Variants in OR4K17 observed in about 807,000 individuals in gnomAD.
OR4K17 encodes the protein olfactory receptor family 4 subfamily K member 17.
For synonymous variants in OR4K17, 157 were observed against 132.8 expected, an observed-to-expected ratio of 1.18 and a Z score of -1.25; for missense variants, 480 against 366.3, an observed-to-expected ratio of 1.31 and a Z score of -2.53.
Position 20,119,793 on chromosome 14 carries a change from G to T in OR4K17, c.*1355G>T, listed in dbSNP as rs1878117002. 6.6e-6 allele frequency: 1 copy of T among 152,160 alleles called. No homozygotes were observed. Among genetic ancestry groups the T allele is most frequent in the Non-Finnish European group, 1.5e-5 (1 of 68,046 alleles). The allele number at this position is 152,160 out of a possible 1,614,324, so 9.4% of individuals were successfully genotyped here. On this transcript the variant is annotated 3_prime_UTR_variant, in exon 2 of 2. Transcript: ENST00000641386. The stretch of plus-strand genomic sequence containing the variant: ...GCAGAGGCTTCAGTGAGCTGAGTTT[G>T]TGTCACTGCCCTCCAGCCTGGGTGA...
In OR4K17 at chr14:20,118,325, A is replaced by G. The variant is rs1180929891; in HGVS notation, c.826A>G (p.Thr276Ala). ...AGATAAGTTCCTTGCTGTGTTTTAT[A>G]CCATCATCACTCCTATCTTGAATCC... is the stretch of plus-strand genomic sequence containing the variant. ...SVDKFLAVFY[T>A]IITPILNPII... Residue 276 changes from threonine to alanine, a missense_variant, in exon 2 of 2, where the codon ACC becomes GCC. Coordinates refer to ENST00000641386, the MANE Select transcript of OR4K17 (RefSeq NM_001004715.5). The G allele has an allele frequency of 6.2e-7, 1 of 1,612,506 alleles. No homozygotes were observed. The highest frequency in any genetic ancestry group is 8.5e-7 in the Non-Finnish European group (1 of 1,178,734).
In OR4K17 at chr14:20,118,658, G is replaced by A. The variant is rs553063826; in HGVS notation, c.*220G>A. 63 of 370,210 alleles carry A rather than the reference G, an allele frequency of 1.7e-4. 1 individual carries two copies. The highest frequency in any genetic ancestry group is 7.2e-4 in the East Asian group (14 of 19,382). 22.9% of individuals were successfully genotyped at this position (370,210 alleles called of 1,614,324 possible). ...GAGACATCACATGTCAGCGGGTTCC[G>A]TGATGCCCCCCAAGCTGCAAAACCA... is the stretch of plus-strand genomic sequence containing the variant. On this transcript the variant is annotated 3_prime_UTR_variant, in exon 2 of 2. Transcript: ENST00000641386.
chr14:20,120,102 C>A lies in OR4K17; in HGVS notation c.*1664C>A, dbSNP rs1210045040. 1.3e-5 allele frequency: 2 copies of A among 152,180 alleles called. No individual in the cohort carries two copies. Among genetic ancestry groups the A allele is most frequent in the Non-Finnish European group, 2.9e-5 (2 of 68,036 alleles). 9.4% of individuals were successfully genotyped at this position (152,180 alleles called of 1,614,324 possible). A position where few individuals can be genotyped will look rare whatever the true frequency, so the allele number is the denominator to read the frequency against. ...AGATATGTACTTTGTTTAGTTGTTA[C>A]AATGGCTTTTGATGTAAATGAAATA... On this transcript the variant is annotated 3_prime_UTR_variant, in exon 2 of 2. Coordinates refer to ENST00000641386, the MANE Select transcript of OR4K17 (RefSeq NM_001004715.5).
In OR4K17 at chr14:20,120,022, T is replaced by G. The variant is rs1038046001; in HGVS notation, c.*1584T>G. 1 of 152,212 alleles carries G rather than the reference T, an allele frequency of 6.6e-6. No homozygotes were observed. The highest frequency in any genetic ancestry group is 1.5e-5 in the Non-Finnish European group (1 of 68,030). 9.4% of individuals were successfully genotyped at this position (152,212 alleles called of 1,614,324 possible). ...TAATAAATTATTGATTTTTAAAATGTTGACTGAGTTATAAAAGGTGTCAGA... is the reference window on the plus strand; with the variant it reads ...TAATAAATTATTGATTTTTAAAATGGTGACTGAGTTATAAAAGGTGTCAGA... On this transcript the variant is annotated 3_prime_UTR_variant, in exon 2 of 2. Transcript: ENST00000641386.
In OR4K17 at chr14:20,118,672, G is replaced by T; in HGVS notation, c.*234G>T. ...CAGCGGGTTCCGTGATGCCCCCCAA[G>T]CTGCAAAACCAGCAAGTTTTTATTA... is the stretch of plus-strand genomic sequence containing the variant. On this transcript the variant is annotated 3_prime_UTR_variant, in exon 2 of 2. Coordinates refer to ENST00000641386, the MANE Select transcript of OR4K17 (RefSeq NM_001004715.5). 3.0e-6 allele frequency: 1 copy of T among 336,010 alleles called. No homozygotes were observed. Among genetic ancestry groups the T allele is most frequent in the South Asian group, 4.5e-5 (1 of 22,240 alleles). The allele number at this position is 336,010 out of a possible 1,614,324, so 20.8% of individuals were successfully genotyped here. A position where few individuals can be genotyped will look rare whatever the true frequency, so the allele number is the denominator to read the frequency against.
intron 1 of OR4K17, among the ~76,000 whole-genome samples, chr14:20,114,469 T>G (rs1447325221): frequency 6.6e-6 from 1 of 152,072 alleles, no homozygotes; most frequent in East Asian, 1.9e-4. Flanking sequence ...ATTTTTCTAG[T>G]ATGATTTGTT....
In OR4K17 at chr14:20,119,229, T is replaced by C. The variant is rs1181333747; in HGVS notation, c.*791T>C. 6.6e-6 allele frequency: 1 copy of C among 152,220 alleles called. No individual in the cohort carries two copies. Among genetic ancestry groups the C allele is most frequent in the African/African-American group, 2.4e-5 (1 of 41,456 alleles). 9.4% of individuals were successfully genotyped at this position (152,220 alleles called of 1,614,324 possible). A position where few individuals can be genotyped will look rare whatever the true frequency, so the allele number is the denominator to read the frequency against. ...CTGAACATCGCTGTTATCCTGTTCT[T>C]TTTTCAAAGTGCCCAGATTTCATAT... On this transcript the variant is annotated 3_prime_UTR_variant, in exon 2 of 2. Transcript: ENST00000641386.
chr14:20,121,617 T>C lies in OR4K17; in HGVS notation c.*3179T>C, dbSNP rs1878171173. On this transcript the variant is annotated 3_prime_UTR_variant, in exon 2 of 2. Coordinates refer to ENST00000641386, the MANE Select transcript of OR4K17 (RefSeq NM_001004715.5). ...ATGGTAACTACAAATGAAAAACCTA[T>C]AGAGCATTTACAAAAACAAAAAAAA... The C allele has an allele frequency of 6.6e-6, 1 of 151,282 alleles. No individual in the cohort carries two copies. Among genetic ancestry groups the C allele is most frequent in the African/African-American group, 2.4e-5 (1 of 41,164 alleles). The allele number at this position is 151,282 out of a possible 1,614,324, so 9.4% of individuals were successfully genotyped here. A position where few individuals can be genotyped will look rare whatever the true frequency, so the allele number is the denominator to read the frequency against.
At position 20,118,073 on chromosome 14, in the gene OR4K17, A is replaced by G. The variant is rs1233091015; in HGVS notation, c.574A>G (p.Ile192Val). 1.2e-6 allele frequency: 2 copies of G among 1,614,090 alleles called. No homozygotes were observed. Among genetic ancestry groups the G allele is most frequent in the Admixed American group, 1.7e-5 (1 of 60,004 alleles). The part of the protein sequence containing the change: ...PLVTKLACID[I>V]YFVQVVIVAN... ...GGTTACTAAGCTTGCCTGTATAGACATATATTTTGTACAGGTAGTCATTGT... is the reference window on the plus strand; with the variant it reads ...GGTTACTAAGCTTGCCTGTATAGACGTATATTTTGTACAGGTAGTCATTGT... Residue 192 changes from isoleucine (I) to valine (V), a missense_variant, in exon 2 of 2, where the codon ATA becomes GTA. By Grantham distance (29) the Ile-to-Val change is conservative (BLOSUM62 3). Coordinates refer to ENST00000641386, the MANE Select transcript of OR4K17 (RefSeq NM_001004715.5).
chr14:20,117,767 A>G lies in OR4K17; in HGVS notation c.268A>G (p.Lys90Glu), dbSNP rs779550417. ...GATTCTGAACTTGTTAAAAAAGCAGAAGGTAATTTCTTTTGCTGGGTGCTT... is the reference window on the plus strand; with the variant it reads ...GATTCTGAACTTGTTAAAAAAGCAGGAGGTAATTTCTTTTGCTGGGTGCTT... ...KVILNLLKKQ[K>E]VISFAGCFTQ... The change falls in exon 2 of 2, where the codon AAG becomes GAG. Residue 90 changes from lysine to glutamate, a missense_variant. Physicochemically the swap from Lys to Glu is moderately conservative, Grantham distance 56. Coordinates refer to ENST00000641386, the MANE Select transcript of OR4K17 (RefSeq NM_001004715.5). 10 of 1,614,082 alleles carry G rather than the reference A, an allele frequency of 6.2e-6. No individual in the cohort carries two copies. Among genetic ancestry groups the G allele is most frequent in the Non-Finnish European group, 8.5e-6 (10 of 1,179,994 alleles).
chr14:20,111,330 G>A (rs561983600), intron 1 of OR4K17, among the ~76,000 whole-genome samples: 1 of 151,952 alleles, frequency 6.6e-6, no homozygotes, highest in Non-Finnish European at 1.5e-5. Context: ...GAGAATCATC[G>A]ACTGAGTCAG....
Position 20,118,545 on chromosome 14 carries a change from C to T in OR4K17, c.*107C>T. On this transcript the variant is annotated 3_prime_UTR_variant, in exon 2 of 2. Transcript: ENST00000641386. ...AGCCCCCAATATTTCAACATAGGTTCTTTTCTATTTTCCCTAAGTGTTGAC... is the reference window on the plus strand; with the variant it reads ...AGCCCCCAATATTTCAACATAGGTTTTTTTCTATTTTCCCTAAGTGTTGAC... 1.5e-6 allele frequency: 1 copy of T among 651,862 alleles called. No homozygotes were observed. Among genetic ancestry groups the T allele is most frequent in the Non-Finnish European group, 2.6e-6 (1 of 386,020 alleles). 40.4% of individuals were successfully genotyped at this position (651,862 alleles called of 1,614,324 possible).
intron 1 of OR4K17, among the ~76,000 whole-genome samples, chr14:20,113,463 G>T (rs1363385091): frequency 6.6e-6 from 1 of 151,966 alleles, no homozygotes; most frequent in African/African-American, 2.4e-5. Flanking sequence ...CCAGTTAGTA[G>T]TAAGAATAGT....
In OR4K17 at chr14:20,117,654, C is replaced by A. The variant is rs201732671; in HGVS notation, c.155C>A (p.Thr52Asn). The A allele has an allele frequency of 7.1e-5, 115 of 1,613,894 alleles. 1 individual carries two copies. Among genetic ancestry groups the A allele is most frequent in the Non-Finnish European group, 2.2e-5 (26 of 1,179,886 alleles). Residue 52 changes from threonine to asparagine, a missense_variant, in exon 2 of 2, where the codon ACC becomes AAC. Coordinates refer to ENST00000641386, the MANE Select transcript of OR4K17 (RefSeq NM_001004715.5). ...NLLIIVTVFN[T>N]PNLNTPMYFL... ...CTTATTATAGTCACAGTGTTTAACA[C>A]CCCTAACCTGAATACTCCCATGTAT...
rs201880365 is a variant in OR4K17 at position 20,117,690 on chromosome 14, G to A, written c.191G>A (p.Gly64Asp). 6.2e-7 allele frequency: 1 copy of A among 1,613,716 alleles called. No individual in the cohort carries two copies. The highest frequency in any genetic ancestry group is 1.3e-5 in the African/African-American group (1 of 74,804). The stretch of plus-strand genomic sequence containing the variant: ...AATACTCCCATGTATTTTCTCCTTG[G>A]TAATCTCTCTTTTGTAGATATGACC... ...NLNTPMYFLL[G>D]NLSFVDMTLA... The change falls in exon 2 of 2, where the codon GGT (glycine) becomes GAT (aspartate). Residue 64 changes from glycine to aspartate, a missense_variant. Coordinates refer to ENST00000641386, the MANE Select transcript of OR4K17 (RefSeq NM_001004715.5).
rs1566552715 is a variant in OR4K17 at position 20,118,187 on chromosome 14, CCTA to C, written c.691_693del (p.Thr231del). On this transcript the variant is annotated inframe_deletion, in exon 2 of 2. Transcript: ENST00000641386. ...CCTCATAACCATTAAGAACCACTCT[CCTA>C]CTGGGCAATCTAAAGCCCGTTCCAC... 1.2e-6 allele frequency: 2 copies of C among 1,614,108 alleles called. No individual in the cohort carries two copies. Among genetic ancestry groups the C allele is most frequent in the South Asian group, 2.2e-5 (2 of 91,084 alleles).
Position 20,122,016 on chromosome 14 carries a change from G to T in OR4K17, c.*3578G>T, listed in dbSNP as rs1296143181. ...TTTTATGCAAATACTGTGACATTTT[G>T]TATAAGGGACTTAAGCATCTATAGA... is the stretch of plus-strand genomic sequence containing the variant. On this transcript the variant is annotated 3_prime_UTR_variant, in exon 2 of 2. Transcript: ENST00000641386. The T allele has an allele frequency of 6.6e-6, 1 of 152,030 alleles. No homozygotes were observed. Among genetic ancestry groups the T allele is most frequent in the Non-Finnish European group, 1.5e-5 (1 of 67,958 alleles). 9.4% of individuals were successfully genotyped at this position (152,030 alleles called of 1,614,324 possible).
rs749656343 is a variant in OR4K17 at position 20,117,563 on chromosome 14, G to T, written c.64G>T (p.Asp22Tyr). The change falls in exon 2 of 2, where the codon GAT (aspartate) becomes TAT (tyrosine). Residue 22 changes from aspartate (D) to tyrosine (Y), a missense_variant. Physicochemically the swap from Asp to Tyr is radical, Grantham distance 160 (BLOSUM62 -3). Transcript: ENST00000641386. ...TTTGCTGGGACTGACCAGCTCCCAGGATGTAGAGTTTCTTCTCTTTGCCCT... is the reference window on the plus strand; with the variant it reads ...TTTGCTGGGACTGACCAGCTCCCAGTATGTAGAGTTTCTTCTCTTTGCCCT... The part of the protein sequence containing the change: ...FILLGLTSSQ[D>Y]VEFLLFALFS... The T allele has an allele frequency of 3.7e-6, 6 of 1,613,758 alleles. No individual in the cohort carries two copies. The highest frequency in any genetic ancestry group is 4.2e-6 in the Non-Finnish European group (5 of 1,179,948).
chr14:20,113,013 A>C (rs968986898), intron 1 of OR4K17, among the ~76,000 whole-genome samples: 2 of 152,018 alleles, frequency 1.3e-5, no homozygotes, highest in African/African-American at 2.4e-5. Flanking sequence ...ATTAAAGTCT[A>C]TTTTTGACAC....
Sources: allele counts gnomAD v4.1 joint callset (sites outside exome capture counted in the v4.1 genomes callset), GRCh38; gene constraint gnomAD v4.1.1; transcripts MANE v1.5; gene names NCBI Gene and HGNC (gene_info 2026-07-23, HGNC 2026-07-21).